CLSPN: variants seen among roughly 807,000 people sequenced by gnomAD.
CLSPN encodes claspin homolog.
In CLSPN, 85 loss-of-function variants were observed where a neutral mutation model predicts 156.3. The ratio of observed to expected loss-of-function variants is 0.54; its 90% CI spans 0.46 to 0.65. The LOEUF (loss-of-function observed/expected upper bound fraction) is 0.65, where lower values mean the gene tolerates loss of function less well. CLSPN is among the 30% of genes least tolerant of loss of function. The probability of loss-of-function intolerance (pLI) is 0.00; values close to 1 mark genes in which losing one functional copy is unlikely to be tolerated. For missense variants in CLSPN, 1,407 were observed against 1,554.9 expected, an observed-to-expected ratio of 0.90 and a Z score of 1.60; for synonymous variants, 534 against 542.4, an observed-to-expected ratio of 0.98 and a Z score of 0.22.
chr1:35,767,226 G>T (rs1557527543), intron 1 of CLSPN, among the ~76,000 whole-genome samples: 2 of 152,026 alleles, frequency 1.3e-5, no homozygotes, highest in Non-Finnish European at 2.9e-5. Flanking sequence ...AAAAATAAAT[G>T]AAATATCTCT....
chr1:35,748,172 T>A, intron 13 of CLSPN, 111 bp from the exon 14 acceptor site: 1 of 1,281,128 alleles, frequency 7.8e-7, no homozygotes, highest in Non-Finnish European at 1.1e-6. Flanking sequence ...CTCAGGAAAT[T>A]GTAGTTGAGG....
chr1:35,727,952 G>A (rs956394860), downstream of CLSPN, among the ~76,000 whole-genome samples: 3 of 152,178 alleles, frequency 2.0e-5, no homozygotes, highest in African/African-American at 7.2e-5. Flanking sequence ...TGTATGAACT[G>A]GATGGCTTGC....
rs1459928113 is a variant in CLSPN, at chr1:35,746,052, TCTC to T, written c.2855-493_2855-491del. 6.6e-6 allele frequency among the ~76,000 whole-genome samples: 1 copy of T among 151,876 alleles called. No individual in the cohort carries two copies. Among genetic ancestry groups the T allele is most frequent in the East Asian group, 2.0e-4 (1 of 5,118 alleles). ...CCTCCACCTCCGGGGTTCAAGCAGT[TCTC>T]CTGTCTCAGCCTCCCAAGTAGCTGC... On this transcript the variant is annotated intron_variant, in intron 15 of 24. Transcript: ENST00000318121. The surrounding 1 kb of genome is among the most constrained non-coding windows in gnomAD (Gnocchi z 4.2).
At chr1:35,752,000 A>C (rs1031945231) in intron 9 of CLSPN, among the ~76,000 whole-genome samples, 5 of 152,192 alleles carry the variant, frequency 3.3e-5, no homozygotes, top group African/African-American at 4.8e-5. Context: ...AAAAATTAGA[A>C]GGTTTGATAA....
intron 7 of CLSPN, 65 bp from the exon 8 acceptor site, chr1:35,760,981 G>A (rs1345573928): frequency 4.2e-6 from 6 of 1,420,518 alleles, no homozygotes; most frequent in Admixed American, 1.8e-5. Context: ...TCATCCCTTA[G>A]TATATATCAG....
intron 20 of CLSPN, among the ~76,000 whole-genome samples, chr1:35,738,839 CGCCCAG>C (rs1641581582): frequency 6.9e-6 from 1 of 144,182 alleles, no homozygotes; most frequent in Non-Finnish European, 1.5e-5. Context: ...CTCGCTCTGT[CGCCCAG>C]GCTGGAGTGC....
chr1:35,750,404 T>C (rs1271069222), intron 10 of CLSPN, among the ~76,000 whole-genome samples: 1 of 151,646 alleles, frequency 6.6e-6, no homozygotes, highest in African/African-American at 2.4e-5. Flanking sequence ...AAGTTTTTTT[T>C]TTTTTTTCTT....
chr1:35,728,115 ACT>A (rs1358651323), downstream of CLSPN, among the ~76,000 whole-genome samples: 1 of 124,642 alleles, frequency 8.0e-6, no homozygotes, highest in East Asian at 2.3e-4. Context: ...AGGCAGTCTC[ACT>A]CTGTCACCCA....
intron 9 of CLSPN, 86 bp from the exon 10 acceptor site, chr1:35,751,592 A>G: frequency 6.7e-7 from 1 of 1,490,988 alleles, no homozygotes; most frequent in Non-Finnish European, 8.9e-7. Context: ...TTCTAGTCAC[A>G]TCCCAAAAGG....
At chr1:35,748,929 G>A (rs545254488) in intron 12 of CLSPN, 24 of 355,444 alleles carry the variant, frequency 6.8e-5, no homozygotes, top group African/African-American at 3.6e-4. Context: ...AGGTTCAAGC[G>A]ATTCTCCTGC....
chr1:35,737,905 C>T, intron 22 of CLSPN, 87 bp downstream of exon 22: 2 of 674,400 alleles, frequency 3.0e-6, no homozygotes, highest in South Asian at 3.5e-5. Context: ...GATTAAGCTG[C>T]AACAGCTCCT....
chr1:35,743,573 C>T (rs969644244), intron 16 of CLSPN, 43 bp from the exon 17 acceptor site: 1 of 1,508,314 alleles, frequency 6.6e-7, no homozygotes, highest in African/African-American at 1.4e-5. Flanking sequence ...TTGTTGAAAG[C>T]AAACTACAAG....
chr1:35,740,416 T>A (rs1203754418), intron 18 of CLSPN, among the ~76,000 whole-genome samples: 1 of 149,116 alleles, frequency 6.7e-6, no homozygotes, highest in African/African-American at 2.4e-5. Flanking sequence ...TATACTGTAT[T>A]TTCTCTTTTT....
At chr1:35,726,490 T>A (rs913656685) in intron 24 of CLSPN, among the ~76,000 whole-genome samples, 3 of 151,714 alleles carry the variant, frequency 2.0e-5, no homozygotes, top group Non-Finnish European at 4.4e-5. Flanking sequence ...GTGGTGGGGG[T>A]GCGGTTTCAA....
intron 22 of CLSPN, 68 bp downstream of exon 22, chr1:35,737,924 G>C: frequency 1.2e-6 from 1 of 837,504 alleles, no homozygotes; most frequent in South Asian, 2.7e-5. Context: ...CTGAAGGTTA[G>C]AGTCACCTCC....
In CLSPN at chr1:35,746,817, C is replaced by A; in HGVS notation, c.2803G>T (p.Glu935Ter). Residue 935 changes from glutamate (E) to a stop codon, truncating the protein, a stop_gained, in exon 15 of 25, where the codon GAG becomes TAG. Coordinates refer to ENST00000318121, the MANE Select transcript of CLSPN (RefSeq NM_022111.4). LOFTEE classifies it high-confidence loss of function. The surrounding 1 kb of genome is among the most constrained non-coding windows in gnomAD (Gnocchi z 4.2). Reference sequence around the variant, plus strand: ...AGGTTCAGAAGTTCCTCCATGTTCTCTTTCTTGTCACTCTTCCTGGGTAGA... The same window carrying A: ...AGGTTCAGAAGTTCCTCCATGTTCTATTTCTTGTCACTCTTCCTGGGTAGA... ...KHLPRKSDKKENMEELLNLCS... is the reference protein window; with the variant it reads ...KHLPRKSDKK The A allele has an allele frequency of 6.2e-7, 1 of 1,614,134 alleles. No individual in the cohort carries two copies. Among genetic ancestry groups the A allele is most frequent in the Non-Finnish European group, 8.5e-7 (1 of 1,180,002 alleles).
chr1:35,743,748 T>C (rs1641779502), intron 16 of CLSPN, among the ~76,000 whole-genome samples: 2 of 152,066 alleles, frequency 1.3e-5, no homozygotes, highest in African/African-American at 4.8e-5. Context: ...ATCAGCCTCC[T>C]GAGTAGCTGG....
At chr1:35,737,856 T>C in intron 22 of CLSPN, 136 bp downstream of exon 22, 1 of 471,788 alleles carries the variant, frequency 2.1e-6, no homozygotes, top group Non-Finnish European at 3.7e-6. Flanking sequence ...CCACCACCTC[T>C]GTGAAGCCTC....
rs1641975772 is a variant in CLSPN, at chr1:35,748,579, T to C, written c.2298A>G (p.Leu766=). 1 of 1,613,990 alleles carries C rather than the reference T, an allele frequency of 6.2e-7. No homozygotes were observed. Among genetic ancestry groups the C allele is most frequent in the South Asian group, 1.1e-5 (1 of 91,072 alleles). Residue 766 remains leucine, a synonymous_variant, in exon 13 of 25, where the codon CTA becomes CTG. Transcript: ENST00000318121. Reference sequence around the variant, plus strand: ...TGCTATTGTGGCTGCTCTCCTTTGTTAGCAATGAACATGAATCATCCTCAT... The same window carrying C: ...TGCTATTGTGGCTGCTCTCCTTTGTCAGCAATGAACATGAATCATCCTCAT... ...KLDEDDSCSL[L]TKESSHNSSF... is the part of the protein sequence containing the mutation.
Sources: gnomAD v4.1 joint callset for allele counts (sites outside exome capture counted in the v4.1 genomes callset) on GRCh38, gnomAD v4.1.1 for gene constraint, Gnocchi (gnomAD v3.1) non-coding constraint, MANE v1.5 for transcripts, NCBI Gene and HGNC (gene_info 2026-07-23, HGNC 2026-07-21) for gene names.